PHACTR3: variants seen among roughly 807,000 people sequenced by gnomAD.
PHACTR3 encodes phosphatase and actin regulator 3.
PHACTR3 carries 16 observed loss-of-function variants against 66.8 expected under a neutral mutation model. The observed-to-expected ratio is 0.24, with a 90% CI of 0.16 to 0.36. The LOEUF is 0.36. Among genes scored for constraint, PHACTR3 ranks in the 10% least tolerant of loss-of-function variants. PHACTR3 has a pLI of 1.00. For missense variants in PHACTR3, 647 were observed against 719.9 expected, an observed-to-expected ratio of 0.90 and a Z score of 1.16; for synonymous variants, 323 against 292.1, an observed-to-expected ratio of 1.11 and a Z score of -1.08.
At chr20:59,671,023 C>T (rs1263420916) in intron 1 of PHACTR3, among the ~76,000 whole-genome samples, 1 of 152,208 alleles carries the variant, frequency 6.6e-6, no homozygotes, top group African/African-American at 2.4e-5. Flanking sequence ...GAGGCTGCCC[C>T]ACCCCCTCCA....
intron 1 of PHACTR3, among the ~76,000 whole-genome samples, chr20:59,643,277 A>G (rs1298865156): frequency 6.6e-6 from 1 of 152,230 alleles, no homozygotes; most frequent in African/African-American, 2.4e-5. Context: ...ATCAATGCAC[A>G]CAGCGCACAT....
intron 8 of PHACTR3, among the ~76,000 whole-genome samples, chr20:59,807,840 T>C (rs532942485): frequency 7.2e-5 from 11 of 152,352 alleles, no homozygotes; most frequent in African/African-American, 2.6e-4. Context: ...TCTGTGCATA[T>C]ATACACATAC....
At chr20:59,605,164 CG>C in intron 1 of PHACTR3, 32 bp downstream of exon 1, 2 of 1,145,872 alleles carry the variant, frequency 1.7e-6, no homozygotes, top group Non-Finnish European at 2.3e-6. Flanking sequence ...GCGGGCGGGT[CG>C]GGGAGGCCCG....
chr20:59,656,424 T>G lies in PHACTR3; in HGVS notation c.118+51292T>G, dbSNP rs1120466. ...ATCTCTCTATATCTATATCTCTAGT[T>G]TTAGAGTAGCTTTATCTGATATTGG... is the stretch of plus-strand genomic sequence containing the variant. On this transcript the variant is annotated intron_variant, in intron 1 of 12. Transcript: ENST00000371015. Among the ~76,000 whole-genome samples, 1,163 of 152,058 alleles carry G rather than the reference T, an allele frequency of 7.6e-3. 17 individuals carry two copies. Among genetic ancestry groups the G allele is most frequent in the African/African-American group, 0.026 (1,095 of 41,552 alleles).
intron 7 of PHACTR3, among the ~76,000 whole-genome samples, chr20:59,783,668 C>T (rs2040806888): frequency 6.6e-6 from 1 of 152,206 alleles, no homozygotes; most frequent in Non-Finnish European, 1.5e-5. Flanking sequence ...TGACTGTAGC[C>T]TACTGTTCGT....
intron 1 of PHACTR3, among the ~76,000 whole-genome samples, chr20:59,717,720 T>C: frequency 6.6e-6 from 1 of 152,294 alleles, no homozygotes; most frequent in East Asian, 1.9e-4. Flanking sequence ...AGAAAACTAC[T>C]TGCTTAACAA....
At chr20:59,747,866 G>A (rs1262874556) in intron 3 of PHACTR3, 31 bp downstream of exon 3, 15 of 1,606,518 alleles carry the variant, frequency 9.3e-6, no homozygotes, top group Non-Finnish European at 1.3e-5. Context: ...GCTTGGAAGG[G>A]CACGGTGCTG....
chr20:59,656,445 A>G (rs1477522563), intron 1 of PHACTR3, among the ~76,000 whole-genome samples: 2 of 151,896 alleles, frequency 1.3e-5, no homozygotes, highest in African/African-American at 2.4e-5. Context: ...TTTATCTGAT[A>G]TTGGAATAGC....
intron 8 of PHACTR3, among the ~76,000 whole-genome samples, chr20:59,815,705 A>G (rs1056150983): frequency 6.6e-6 from 1 of 152,094 alleles, no homozygotes; most frequent in Non-Finnish European, 1.5e-5. Flanking sequence ...TTGCAGGCGT[A>G]AGCCACCACG....
intron 8 of PHACTR3, among the ~76,000 whole-genome samples, chr20:59,821,001 G>A (rs557025497): frequency 7.2e-5 from 11 of 152,262 alleles, no homozygotes; most frequent in African/African-American, 2.4e-4. Context: ...GGGGCTTAGC[G>A]TGTGTGAGTA....
At chr20:59,834,121 A>T (rs1307063390) in intron 8 of PHACTR3, among the ~76,000 whole-genome samples, 1 of 152,190 alleles carries the variant, frequency 6.6e-6, no homozygotes, top group Non-Finnish European at 1.5e-5. Flanking sequence ...TCTCCCTCTT[A>T]GCCAGAGGAG....
chr20:59,647,501 C>T (rs1434010641), intron 1 of PHACTR3, among the ~76,000 whole-genome samples: 3 of 152,150 alleles, frequency 2.0e-5, no homozygotes, highest in African/African-American at 7.2e-5. Flanking sequence ...GCAGCCAGGC[C>T]CTTGGAGGTC....
chr20:59,604,485 C>T (rs150698983), upstream of PHACTR3: 3,652 of 415,970 alleles, frequency 8.8e-3, 22 homozygotes, highest in Non-Finnish European at 1.0e-2. Flanking sequence ...TCCTCTCGCG[C>T]GGCATGATGG....
At chr20:59,707,457 C>CTTTTTTTTTTTTTT (rs34134572) in intron 1 of PHACTR3, among the ~76,000 whole-genome samples, 1 of 100,378 alleles carries the variant, frequency 1.0e-5, no homozygotes, top group African/African-American at 3.9e-5. Context: ...TGCTCCCACT[C>CTTTTTTTTTTTTTT]TTTTTTTTTT....
intron 1 of PHACTR3, among the ~76,000 whole-genome samples, chr20:59,644,693 C>T (rs1266832618): frequency 6.6e-6 from 1 of 152,166 alleles, no homozygotes; most frequent in Non-Finnish European, 1.5e-5. Context: ...CCCTGGTGTC[C>T]CAGGTTGCTC....
chr20:59,612,944 G>C (rs1172761151), intron 1 of PHACTR3, among the ~76,000 whole-genome samples: 1 of 152,122 alleles, frequency 6.6e-6, no homozygotes, highest in Non-Finnish European at 1.5e-5. Context: ...AAGCAAGAGA[G>C]GGATGAGGAA....
chr20:59,693,458 C>T (rs908368294), intron 1 of PHACTR3, among the ~76,000 whole-genome samples: 3 of 152,166 alleles, frequency 2.0e-5, no homozygotes, highest in Non-Finnish European at 2.9e-5. Context: ...TATTCATGTG[C>T]TCTCACTGAG....
At chr20:59,671,633 G>T (rs1219440328) in intron 1 of PHACTR3, among the ~76,000 whole-genome samples, 2 of 152,194 alleles carry the variant, frequency 1.3e-5, no homozygotes, top group African/African-American at 4.8e-5. Flanking sequence ...CAGAGCTCGG[G>T]TACTGCTGGC....
At chr20:59,799,962 G>C (rs1291238761) in intron 7 of PHACTR3, among the ~76,000 whole-genome samples, 1 of 151,796 alleles carries the variant, frequency 6.6e-6, no homozygotes, top group Non-Finnish European at 1.5e-5. Context: ...ATACCTCTTT[G>C]ACTATTTCCA....
Sources: allele counts gnomAD v4.1 joint callset (sites outside exome capture counted in the v4.1 genomes callset), GRCh38; gene constraint gnomAD v4.1.1; transcripts MANE v1.5; gene names NCBI Gene and HGNC (gene_info 2026-07-23, HGNC 2026-07-21).